OOSP4B: variants seen among roughly 807,000 people sequenced by gnomAD.
The protein encoded by OOSP4B is oocyte-secreted protein 4B.
chr11:60,023,456 T>TG (rs1429610804), intron 1 of OOSP4B, among the ~76,000 whole-genome samples: 2 of 152,130 alleles, frequency 1.3e-5, no homozygotes, highest in African/African-American at 2.4e-5. Context: ...TTTTTTGAGA[T>TG]GGGGGTCTCA....
In OOSP4B at chr11:60,022,509, G is replaced by A. The variant is rs936875144; in HGVS notation, c.23-1371G>A. On this transcript the variant is annotated intron_variant, in intron 1 of 4. Transcript: ENST00000642343. ...TACTTGCGTCTCTGTTCTTCTAGCT[G>A]TCCCAAAAAGCATGTATCAAGTTGG... Among the ~76,000 whole-genome samples, 13 of 152,144 alleles carry A rather than the reference G, an allele frequency of 8.5e-5. No individual in the cohort carries two copies. The East Asian group carries it at 2.3e-3, about 27-fold the overall frequency.
At chr11:60,027,207 C>G (rs1854753492) in intron 3 of OOSP4B, among the ~76,000 whole-genome samples, 2 of 152,118 alleles carry the variant, frequency 1.3e-5, no homozygotes, top group South Asian at 4.2e-4. Context: ...GGAATGAACA[C>G]TACAGCTCCT....
chr11:60,031,011 T>C (rs2134630993), exon 5 of OOSP4B: 1 of 391,046 alleles, frequency 2.6e-6, no homozygotes, highest in Non-Finnish European at 4.5e-6. Flanking sequence ...ATGATATTTA[T>C]ACTTTTTAAT....
At chr11:60,019,177 T>C (rs506565) in intron 1 of OOSP4B, among the ~76,000 whole-genome samples, 151,473 of 152,190 alleles carry the variant, frequency 1, 75,386 homozygotes, top group Non-Finnish European at 1. Flanking sequence ...GAGCTGAGAT[T>C]GCGCCATTGC....
chr11:60,022,605 G>A (rs1006086402), intron 1 of OOSP4B, among the ~76,000 whole-genome samples: 4 of 152,194 alleles, frequency 2.6e-5, no homozygotes, highest in Non-Finnish European at 5.9e-5. Flanking sequence ...GAGTTCTGTA[G>A]ATCCTTGGAT....
intron 1 of OOSP4B, 119 bp downstream of exon 1, chr11:60,017,532 GCT>G (rs1309908079): frequency 1.3e-5 from 5 of 397,084 alleles, no homozygotes; most frequent in Non-Finnish European, 2.2e-5. Flanking sequence ...CTAAAACACT[GCT>G]GTGTAAAAAG....
chr11:60,023,127 T>A (rs1471725727), intron 1 of OOSP4B, among the ~76,000 whole-genome samples: 1 of 152,222 alleles, frequency 6.6e-6, no homozygotes, highest in African/African-American at 2.4e-5. Context: ...TAATAATGAC[T>A]ACGTTCACTC....
intron 3 of OOSP4B, among the ~76,000 whole-genome samples, 177 bp downstream of exon 3, chr11:60,025,182 A>G (rs773551915): frequency 6.6e-5 from 10 of 152,242 alleles, no homozygotes; most frequent in Non-Finnish European, 1.5e-4. Flanking sequence ...ATTTATATAT[A>G]GTACCTAGAT....
At chr11:60,019,488 G>A in intron 1 of OOSP4B, 1 of 157,134 alleles carries the variant, frequency 6.4e-6, no homozygotes, top group Non-Finnish European at 1.4e-5. Flanking sequence ...TCCGGAGTTT[G>A]TTCCTTCTGA....
chr11:60,030,695 T>C (rs1024307498), intron 4 of OOSP4B, 107 bp from the exon 5 acceptor site: 6 of 396,760 alleles, frequency 1.5e-5, no homozygotes, highest in African/African-American at 6.2e-5. Flanking sequence ...GATTTTTTTT[T>C]CCACATTACT....
chr11:60,018,333 AT>A (rs1416790559), intron 1 of OOSP4B, among the ~76,000 whole-genome samples: 3 of 151,868 alleles, frequency 2.0e-5, no homozygotes, highest in Non-Finnish European at 2.9e-5. Flanking sequence ...GTTTAGAGGG[AT>A]TTTTGGCTGT....
rs1034768370 is a variant in OOSP4B, at chr11:60,018,112, A to G, written c.22+699A>G. Among the ~76,000 whole-genome samples the G allele has an allele frequency of 3.3e-5, 5 of 152,190 alleles. No homozygotes were observed. The South Asian group carries it at 1.0e-3, about 32-fold the overall frequency. On this transcript the variant is annotated intron_variant, in intron 1 of 4. Transcript: ENST00000642343. ...GAAAACACTCAAATCTTAGTGCTGG[A>G]ATTACCGTGAGGTAATGAGAGAATA...
intron 1 of OOSP4B, among the ~76,000 whole-genome samples, chr11:60,017,884 A>C (rs188148576): frequency 1.3e-5 from 2 of 152,286 alleles, no homozygotes; most frequent in African/African-American, 4.8e-5. Flanking sequence ...TTATATAGAG[A>C]GTAAGCAGCT....
chr11:60,026,472 G>A (rs900235149), intron 3 of OOSP4B, among the ~76,000 whole-genome samples: 5 of 152,102 alleles, frequency 3.3e-5, no homozygotes, highest in African/African-American at 1.2e-4. Context: ...TCTTATTTAT[G>A]TCTTAATGAT....
At position 60,023,104 on chromosome 11, in the gene OOSP4B, C is replaced by T. The variant is rs75425179; in HGVS notation, c.23-776C>T. Among the ~76,000 whole-genome samples, 1,218 of 152,096 alleles carry T rather than the reference C, an allele frequency of 8.0e-3. 12 individuals are homozygous for T. Among genetic ancestry groups the T allele is most frequent in the Non-Finnish European group, 0.012 (819 of 67,976 alleles). On this transcript the variant is annotated intron_variant, in intron 1 of 4. Transcript: ENST00000642343. ...TTATTTCATTTAATCATCACAGAAC[C>T]CTAAAAGGTAGATAATAATGACTAC...
At chr11:60,017,286 G>A (rs1590589920) in exon 1 of OOSP4B, 3 of 398,314 alleles carry the variant, frequency 7.5e-6, no homozygotes, top group African/African-American at 4.1e-5. Flanking sequence ...CCCAGCAGAG[G>A]GTAATTGCAG....
intron 1 of OOSP4B, among the ~76,000 whole-genome samples, chr11:60,018,515 A>C (rs536134096): frequency 1.5e-4 from 23 of 152,222 alleles, no homozygotes; most frequent in Admixed American, 3.9e-4. Flanking sequence ...TTTAAGGCAC[A>C]TATTTGTGAG....
intron 1 of OOSP4B, chr11:60,022,329 G>T (rs1164278641): frequency 3.3e-5 from 5 of 152,178 alleles, no homozygotes; most frequent in Admixed American, 3.3e-4. Context: ...GTGGATTGCA[G>T]ATTTTTTTTC....
At chr11:60,017,880 A>G (rs1049433966) in intron 1 of OOSP4B, among the ~76,000 whole-genome samples, 3 of 152,210 alleles carry the variant, frequency 2.0e-5, no homozygotes, top group African/African-American at 7.2e-5. Context: ...AAAATTATAT[A>G]GAGAGTAAGC....
Sources: allele counts gnomAD v4.1 joint callset (sites outside exome capture counted in the v4.1 genomes callset), GRCh38; gene constraint gnomAD v4.1.1; transcripts MANE v1.5; gene names NCBI Gene and HGNC (gene_info 2026-07-23, HGNC 2026-07-21).